The following ZBTB20 variants were observed in gnomAD, a reference collection of about 807,000 sequenced individuals.
ZBTB20 encodes zinc finger and BTB domain containing 20, also known as zinc finger and BTB domain-containing protein 20.
In ZBTB20, 9 loss-of-function variants were observed where a neutral mutation model predicts 56.9. The observed-to-expected ratio is 0.16, with a 90% CI of 0.10 to 0.28. The LOEUF (loss-of-function observed/expected upper bound fraction) is 0.28. ZBTB20 is among the 10% of genes least tolerant of loss of function. The probability of loss-of-function intolerance (pLI) is 1.00; values close to 1 mark genes in which losing one functional copy is unlikely to be tolerated. For missense variants in ZBTB20, 655 were observed against 1,003.0 expected (o/e 0.65, Z 4.69); for synonymous variants, 417 against 420.7 (o/e 0.99, Z 0.11).
rs961722166 is a variant in ZBTB20, at chr3:114,331,136, T to TGTGTGTGC, written c.*7868_*7869insGCACACAC. 4.0e-5 allele frequency: 6 copies of TGTGTGTGC among 151,266 alleles called. No homozygotes were observed. Among genetic ancestry groups the TGTGTGTGC allele is most frequent in the East Asian group, 3.9e-4 (2 of 5,160 alleles). The allele number at this position is 151,266 out of a possible 1,614,324, so 9.4% of individuals were successfully genotyped here. A position where few individuals can be genotyped will look rare whatever the true frequency, so the allele number is the denominator to read the frequency against. On this transcript the variant is annotated 3_prime_UTR_variant, in exon 12 of 12. Transcript: ENST00000675478. ...GTGTGTGTGTGTGTGTGTGTGTGTG[T>TGTGTGTGC]GCACACTGCATTGCATAGAGGAAAG... is the stretch of plus-strand genomic sequence containing the variant.
At chr3:114,962,286 C>T (rs1473005731) in intron 3 of ZBTB20, among the ~76,000 whole-genome samples, 1 of 152,030 alleles carries the variant, frequency 6.6e-6, no homozygotes, top group Non-Finnish European at 1.5e-5. Context: ...AATACAACAA[C>T]CATACACAAA....
intron 2 of ZBTB20, among the ~76,000 whole-genome samples, chr3:115,021,887 T>G (rs1401400914): frequency 1.3e-5 from 2 of 150,828 alleles, no homozygotes; most frequent in Non-Finnish European, 3.0e-5. Context: ...AAAATTTGAA[T>G]GGAGACATTT....
chr3:114,485,111 C>G (rs368881583), intron 7 of ZBTB20, among the ~76,000 whole-genome samples: 1 of 152,180 alleles, frequency 6.6e-6, no homozygotes, highest in Non-Finnish European at 1.5e-5. Context: ...TTCCCTGGAT[C>G]CGCATGCTGG....
At chr3:114,568,788 T>A (rs1381197820) in intron 6 of ZBTB20, among the ~76,000 whole-genome samples, 1 of 152,208 alleles carries the variant, frequency 6.6e-6, no homozygotes, top group Non-Finnish European at 1.5e-5. Context: ...GAAGTTACAA[T>A]GATAGTAGTA....
chr3:114,594,319 T>A (rs2056110497), intron 6 of ZBTB20, among the ~76,000 whole-genome samples: 1 of 148,210 alleles, frequency 6.7e-6, no homozygotes, highest in Non-Finnish European at 1.5e-5. Flanking sequence ...CAGGCTGGAG[T>A]GCAGTGGTGC....
chr3:114,505,753 G>A (rs1458285729), intron 6 of ZBTB20, among the ~76,000 whole-genome samples: 1 of 151,900 alleles, frequency 6.6e-6, no homozygotes, highest in African/African-American at 2.4e-5. Context: ...ATACCTTTCT[G>A]GTTTCCAGTG....
chr3:114,925,291 T>C (rs2076114316), intron 3 of ZBTB20, among the ~76,000 whole-genome samples: 1 of 151,926 alleles, frequency 6.6e-6, no homozygotes, highest in African/African-American at 2.4e-5. Flanking sequence ...AATTTGGTTC[T>C]TTTAATAATT....
chr3:114,994,859 AGTGTCTGACCTG>A (rs1191196837), intron 2 of ZBTB20, among the ~76,000 whole-genome samples: 1 of 151,924 alleles, frequency 6.6e-6, no homozygotes, highest in African/African-American at 2.4e-5. Flanking sequence ...TATTCAGGGT[AGTGTCTGACCTG>A]GTGTCTGACA....
intron 2 of ZBTB20, among the ~76,000 whole-genome samples, chr3:115,065,535 T>G (rs75477760): frequency 0.03 from 4,636 of 152,280 alleles, 85 homozygotes; most frequent in South Asian, 0.039. Context: ...AGTCTTTTGC[T>G]CAAAATTTTT....
At chr3:114,649,108 C>T (rs866894140) in intron 6 of ZBTB20, among the ~76,000 whole-genome samples, 4 of 151,860 alleles carry the variant, frequency 2.6e-5, no homozygotes, top group Middle Eastern at 3.4e-3. Flanking sequence ...GACAGAGGAG[C>T]CAAAAAGATA....
chr3:114,492,204 C>T (rs1407700780), intron 7 of ZBTB20, among the ~76,000 whole-genome samples: 1 of 152,138 alleles, frequency 6.6e-6, no homozygotes, highest in Non-Finnish European at 1.5e-5. Flanking sequence ...GTTATTCATG[C>T]CAACAGATTC....
In ZBTB20 at chr3:115,008,826, T is replaced by A. The variant is rs568231926; in HGVS notation, c.-506-34410A>T. Among the ~76,000 whole-genome samples, 6 of 152,034 alleles carry A rather than the reference T, an allele frequency of 3.9e-5. No homozygotes were observed. The East Asian group carries it at 1.2e-3, about 30-fold the overall frequency. ...AACAAAGTATATCTGTAATACAAAT[T>A]TCTGCTAGTAGAATGTACCTACATT... On this transcript the variant is annotated intron_variant, in intron 2 of 11. Transcript: ENST00000675478.
chr3:115,070,809 T>TA lies in ZBTB20; in HGVS notation c.-507+409dup, dbSNP rs971297109. ...TAAACATATATACTCACATAAAAAA[T>TA]AAAAAAAACTTTTAAAATTAATAAA... On this transcript the variant is annotated intron_variant, in intron 2 of 11. Transcript: ENST00000675478. Among the ~76,000 whole-genome samples the TA allele has an allele frequency of 5.7e-4, 86 of 151,424 alleles. 1 individual carries two copies. The highest frequency in any genetic ancestry group is 1.9e-3 in the African/African-American group (80 of 41,334).
intron 2 of ZBTB20, among the ~76,000 whole-genome samples, chr3:115,012,528 T>C (rs1664733706): frequency 6.6e-6 from 1 of 151,656 alleles, no homozygotes; most frequent in Non-Finnish European, 1.5e-5. Flanking sequence ...ATAACAATTG[T>C]AATATAGGTA....
chr3:114,896,522 C>T (rs141944739), intron 4 of ZBTB20, among the ~76,000 whole-genome samples: 1 of 152,090 alleles, frequency 6.6e-6, no homozygotes, highest in Admixed American at 6.5e-5. Flanking sequence ...TATATGATTC[C>T]ACTTATATAA....
At chr3:114,574,618 A>G (rs1010314814) in intron 6 of ZBTB20, among the ~76,000 whole-genome samples, 1 of 152,062 alleles carries the variant, frequency 6.6e-6, no homozygotes, top group Non-Finnish European at 1.5e-5. Flanking sequence ...CTTCAACTTC[A>G]TTTCTGATTG....
intron 7 of ZBTB20, among the ~76,000 whole-genome samples, chr3:114,471,603 G>A (rs1257400105): frequency 6.6e-6 from 1 of 152,182 alleles, no homozygotes; most frequent in African/African-American, 2.4e-5. Flanking sequence ...CATCAGGGAG[G>A]TGGAGCGACT....
intron 2 of ZBTB20, among the ~76,000 whole-genome samples, chr3:114,974,812 T>G (rs2078031325): frequency 6.6e-6 from 1 of 152,196 alleles, no homozygotes; most frequent in African/African-American, 2.4e-5. Context: ...TATAATGTAC[T>G]GGTCATCACT....
intron 4 of ZBTB20, among the ~76,000 whole-genome samples, chr3:114,848,524 C>A (rs1363169878): frequency 6.6e-6 from 1 of 152,176 alleles, no homozygotes; most frequent in Non-Finnish European, 1.5e-5. Flanking sequence ...AGAGAAAAAT[C>A]ACTCCTGAGA....
Sources: gnomAD v4.1 joint callset for allele counts (sites outside exome capture counted in the v4.1 genomes callset) on GRCh38, gnomAD v4.1.1 for gene constraint, MANE v1.5 for transcripts, NCBI Gene and HGNC (gene_info 2026-07-23, HGNC 2026-07-21) for gene names.